The following ESCO1 variants were observed in gnomAD, a reference collection of about 807,000 sequenced individuals.
ESCO1 encodes the protein establishment of sister chromatid cohesion N-acetyltransferase 1.
Under a neutral mutation model 83.5 loss-of-function variants are expected in ESCO1, and 33 were observed. That is an observed-to-expected ratio of 0.40 (90% CI 0.30 to 0.53). The LOEUF is 0.53. Ranked by LOEUF, ESCO1 falls within the 20% of genes least tolerant of loss-of-function variation. The pLI is 0.63. For missense variants in ESCO1, 855 were observed against 968.0 expected, an observed-to-expected ratio of 0.88 and a Z score of 1.55; for synonymous variants, 332 against 324.3, an observed-to-expected ratio of 1.02 and a Z score of -0.25.
At chr18:21,587,907 A>G (rs11663463) in intron 1 of ESCO1, among the ~76,000 whole-genome samples, 574 of 152,202 alleles carry the variant, frequency 3.8e-3, no homozygotes, top group Non-Finnish European at 6.5e-3. Context: ...AAAACAAAAA[A>G]CAAACAAACA....
chr18:21,530,297 A>G lies in ESCO1; in HGVS notation c.*46T>C. 1 of 1,462,172 alleles carries G rather than the reference A, an allele frequency of 6.8e-7. No homozygotes were observed. Among genetic ancestry groups the G allele is most frequent in the Non-Finnish European group, 9.1e-7 (1 of 1,103,282 alleles). 90.6% of individuals were successfully genotyped at this position (1,462,172 alleles called of 1,614,324 possible). On this transcript the variant is annotated 3_prime_UTR_variant, in exon 12 of 12. Transcript: ENST00000269214. ...CCTGGTTAAAGTCAGCAACCAATCC[A>G]TTCTCTTCAATAGATGTCTTCTAGT...
At chr18:21,593,079 C>T (rs867266450) in intron 1 of ESCO1, 552 of 153,068 alleles carry the variant, frequency 3.6e-3, no homozygotes, top group African/African-American at 0.014. Context: ...GGATGGCGGC[C>T]GGGCAGAGAC....
chr18:21,548,061 C>G (rs1002561106), intron 8 of ESCO1, among the ~76,000 whole-genome samples: 2 of 151,928 alleles, frequency 1.3e-5, no homozygotes, highest in Admixed American at 6.6e-5. Context: ...GAGATGGCGC[C>G]ACTGCACTCC....
chr18:21,570,277 T>A (rs557447064), intron 4 of ESCO1, among the ~76,000 whole-genome samples: 1 of 152,100 alleles, frequency 6.6e-6, no homozygotes, highest in South Asian at 2.1e-4. Flanking sequence ...TTTAAATTAT[T>A]TTGTAGAGAG....
intron 8 of ESCO1, among the ~76,000 whole-genome samples, chr18:21,542,605 C>T (rs1223650519): frequency 6.6e-6 from 1 of 152,182 alleles, no homozygotes; most frequent in Non-Finnish European, 1.5e-5. Flanking sequence ...TCCATTCTCC[C>T]TTCTTACTAG....
intron 1 of ESCO1, among the ~76,000 whole-genome samples, chr18:21,595,368 A>G (rs1204085299): frequency 4.1e-5 from 6 of 145,782 alleles, no homozygotes; most frequent in East Asian, 2.0e-4. Flanking sequence ...CCGTCTCAAA[A>G]AAAAAAAAAA....
chr18:21,576,731 C>T (rs940120590), intron 2 of ESCO1, among the ~76,000 whole-genome samples: 12 of 151,942 alleles, frequency 7.9e-5, no homozygotes, highest in African/African-American at 2.7e-4. Context: ...CATAGAGATG[C>T]GGATGAAAAT....
chr18:21,572,782 T>C (rs1009348844), intron 4 of ESCO1, among the ~76,000 whole-genome samples: 3 of 152,010 alleles, frequency 2.0e-5, no homozygotes, highest in African/African-American at 7.2e-5. Flanking sequence ...CTGATCAACA[T>C]GGAGAAACCC....
rs575097104 is a variant in ESCO1, at chr18:21,562,687, A to C, written c.1821+1516T>G. ...GATTATGTTGACTGTAACTACATAAATGTTCCTAGTACTTTGGGTGCCTTA... is the reference window on the plus strand; with the variant it reads ...GATTATGTTGACTGTAACTACATAACTGTTCCTAGTACTTTGGGTGCCTTA... On this transcript the variant is annotated intron_variant, in intron 7 of 11. Coordinates refer to ENST00000269214, the MANE Select transcript of ESCO1 (RefSeq NM_052911.3). Among the ~76,000 whole-genome samples, 27 of 152,136 alleles carry C rather than the reference A, an allele frequency of 1.8e-4. No homozygotes were observed. In the South Asian group the frequency reaches 3.7e-3, roughly 21 times the overall value.
At chr18:21,559,437 G>C (rs891740523) in intron 8 of ESCO1, among the ~76,000 whole-genome samples, 2 of 152,196 alleles carry the variant, frequency 1.3e-5, no homozygotes, top group African/African-American at 2.4e-5. Flanking sequence ...TGGAAGAGTA[G>C]AGCAGATATT....
At chr18:21,598,666 C>T (rs1379033137) in intron 1 of ESCO1, among the ~76,000 whole-genome samples, 1 of 152,040 alleles carries the variant, frequency 6.6e-6, no homozygotes, top group African/African-American at 2.4e-5. Flanking sequence ...CTCGCCACTG[C>T]CCTCCAGCCC....
chr18:21,567,080 G>C (rs2038272087), intron 5 of ESCO1, among the ~76,000 whole-genome samples: 1 of 152,116 alleles, frequency 6.6e-6, no homozygotes, highest in Non-Finnish European at 1.5e-5. Flanking sequence ...GGAATTAAGA[G>C]ATTTCTTTTC....
intron 2 of ESCO1, among the ~76,000 whole-genome samples, chr18:21,578,468 A>G (rs1236615993): frequency 2.0e-5 from 3 of 152,046 alleles, no homozygotes; most frequent in Non-Finnish European, 4.4e-5. Flanking sequence ...CATTAACTGG[A>G]CCTTTCAGAG....
At chr18:21,599,952 T>C (rs930222852) in intron 1 of ESCO1, among the ~76,000 whole-genome samples, 1 of 152,232 alleles carries the variant, frequency 6.6e-6, no homozygotes, top group African/African-American at 2.4e-5. Context: ...TAAACTTCAC[T>C]GCGGCCCTCA....
At chr18:21,565,907 G>A (rs1333319842) in intron 6 of ESCO1, among the ~76,000 whole-genome samples, 4 of 151,964 alleles carry the variant, frequency 2.6e-5, no homozygotes, top group Admixed American at 6.6e-5. Context: ...CTCCAGCCTG[G>A]GTAAGTGAGC....
chr18:21,592,714 C>T (rs1245981697), intron 1 of ESCO1, among the ~76,000 whole-genome samples: 1 of 148,360 alleles, frequency 6.7e-6, no homozygotes, highest in African/African-American at 2.5e-5. Context: ...ACTTCCCAGA[C>T]GGGGTGGCTG....
chr18:21,551,223 C>G (rs2038043207), intron 8 of ESCO1, among the ~76,000 whole-genome samples: 1 of 151,538 alleles, frequency 6.6e-6, no homozygotes, highest in South Asian at 2.1e-4. Context: ...GTAATCCCAG[C>G]ACTTTGGGAG....
At chr18:21,532,744 A>ATT in intron 10 of ESCO1, 84 bp from the exon 11 acceptor site, 1 of 1,333,502 alleles carries the variant, frequency 7.5e-7, no homozygotes, top group Non-Finnish European at 1.0e-6. Flanking sequence ...CGGTTATGAC[A>ATT]TTTGACTGGC....
At chr18:21,542,395 A>G (rs532520960) in intron 8 of ESCO1, among the ~76,000 whole-genome samples, 15 of 152,178 alleles carry the variant, frequency 9.9e-5, no homozygotes, top group Non-Finnish European at 2.1e-4. Flanking sequence ...ACTCTAGAGT[A>G]AAAGTTCAGG....
Sources: gnomAD v4.1 joint callset for allele counts (sites outside exome capture counted in the v4.1 genomes callset) on GRCh38, gnomAD v4.1.1 for gene constraint, MANE v1.5 for transcripts, NCBI Gene and HGNC (gene_info 2026-07-23, HGNC 2026-07-21) for gene names.